Variants in COL4A1 observed in about 807,000 individuals in gnomAD.
COL4A1 encodes the protein collagen type IV alpha 1 chain, also known as collagen alpha-1(IV) chain.
COL4A1 carries 40 observed loss-of-function variants against 216.6 expected under a neutral mutation model. The observed-to-expected ratio is 0.18, with a 90% CI of 0.14 to 0.24. The LOEUF is 0.24. COL4A1 is among the 10% of genes least tolerant of loss of function. The pLI is 1.00. For missense variants in COL4A1, 1,628 were observed against 2,196.8 expected (o/e 0.74, Z 5.18); for synonymous variants, 839 against 810.7 (o/e 1.03, Z -0.59).
intron 1 of COL4A1, among the ~76,000 whole-genome samples, chr13:110,249,580 T>G (rs1393803513): frequency 1.3e-5 from 2 of 152,138 alleles, no homozygotes; most frequent in African/African-American, 4.8e-5. Context: ...GGATCCTGGT[T>G]ACTCGTGAGG....
intron 2 of COL4A1, among the ~76,000 whole-genome samples, chr13:110,222,031 A>G (rs1328861901): frequency 6.6e-6 from 1 of 152,132 alleles, no homozygotes; most frequent in Non-Finnish European, 1.5e-5. Context: ...TCAACAACAC[A>G]TTCAAATGCC....
At chr13:110,305,247 C>A (rs1012283694) in intron 1 of COL4A1, among the ~76,000 whole-genome samples, 11 of 152,190 alleles carry the variant, frequency 7.2e-5, no homozygotes, top group African/African-American at 2.7e-4. Context: ...AGGGACACTG[C>A]AAAGACAGTG....
chr13:110,291,089 A>T (rs922179242), intron 1 of COL4A1, among the ~76,000 whole-genome samples: 1 of 152,168 alleles, frequency 6.6e-6, no homozygotes, highest in African/African-American at 2.4e-5. Flanking sequence ...TCCTCAGGAC[A>T]CTTGCAGCTC....
intron 3 of COL4A1, 44 bp downstream of exon 3, chr13:110,213,882 G>A (rs1879941114): frequency 6.2e-7 from 1 of 1,611,432 alleles, no homozygotes; most frequent in Non-Finnish European, 8.5e-7. Flanking sequence ...AAGAATGCGG[G>A]CAATCTTACA....
chr13:110,196,844 AGTCCT>A (rs1878915804), intron 21 of COL4A1, among the ~76,000 whole-genome samples: 10 of 152,246 alleles, frequency 6.6e-5, no homozygotes, highest in Admixed American at 6.5e-4. Context: ...TCTATCGATA[AGTCCT>A]GAGGTAGCAA....
intron 24 of COL4A1, among the ~76,000 whole-genome samples, chr13:110,190,133 C>T (rs1400899620): frequency 6.6e-6 from 1 of 151,822 alleles, no homozygotes; most frequent in Admixed American, 6.6e-5. Context: ...ATGACCTTGC[C>T]TGCCATCATT....
intron 1 of COL4A1, among the ~76,000 whole-genome samples, chr13:110,244,025 G>A (rs1177510141): frequency 1.3e-5 from 2 of 152,170 alleles, no homozygotes; most frequent in African/African-American, 2.4e-5. Context: ...GGTATGAGAT[G>A]AATAATCGGG....
At chr13:110,287,980 G>T in intron 1 of COL4A1, among the ~76,000 whole-genome samples, 1 of 152,004 alleles carries the variant, frequency 6.6e-6, no homozygotes, top group Admixed American at 6.6e-5. Flanking sequence ...GAGTGGTCTG[G>T]GCGCGGTGGC....
intron 29 of COL4A1, 119 bp from the exon 30 acceptor site, chr13:110,179,540 C>T: frequency 2.1e-6 from 3 of 1,430,692 alleles, no homozygotes; most frequent in Non-Finnish European, 2.9e-6. Flanking sequence ...AGAATATTAT[C>T]TGCTCAACCC....
intron 2 of COL4A1, among the ~76,000 whole-genome samples, chr13:110,218,382 G>A (rs533454316): frequency 2.9e-4 from 44 of 152,234 alleles, no homozygotes; most frequent in East Asian, 7.7e-4. Context: ...TACGGGTACC[G>A]GGTTTGGTAC....
At position 110,152,318 on chromosome 13, in the gene COL4A1, C is replaced by T; in HGVS notation, c.4928+16G>A. The T allele has an allele frequency of 6.2e-7, 1 of 1,613,958 alleles. No homozygotes were observed. Among genetic ancestry groups the T allele is most frequent in the South Asian group, 1.1e-5 (1 of 91,044 alleles). On this transcript the variant is annotated intron_variant, in intron 51 of 51. Coordinates refer to ENST00000375820, the MANE Select transcript of COL4A1 (RefSeq NM_001845.6). ...AAGGGGCCAGCAGCCTGCAAAAAAG[C>T]AGTGCTCCCACTTACTTGAACATCT...
rs1879582238 is a variant in COL4A1 at position 110,207,759 on chromosome 13, ACAC to A, written c.694-273_694-271del. 6.6e-6 allele frequency among the ~76,000 whole-genome samples: 1 copy of A among 152,102 alleles called. No homozygotes were observed. The highest frequency in any genetic ancestry group is 2.4e-5 in the African/African-American group (1 of 41,430). On this transcript the variant is annotated intron_variant, in intron 12 of 51. Transcript: ENST00000375820. This position sits in a 1 kb window ranked among gnomAD's most constrained non-coding sequence, Gnocchi z 4.4. ...ACCATGGAATCTGAACACCTGCAAGACACCTCCGGACTTGCGTGCCCCTGTATA... is the reference window on the plus strand; with the variant it reads ...ACCATGGAATCTGAACACCTGCAAGACTCCGGACTTGCGTGCCCCTGTATA...
At chr13:110,165,111 C>A in intron 45 of COL4A1, 121 bp from the exon 46 acceptor site, 1 of 1,427,606 alleles carries the variant, frequency 7.0e-7, no homozygotes. Flanking sequence ...AAGGTAAAGT[C>A]ATTATCAAAA....
At chr13:110,150,655 C>T (rs577640361) in intron 51 of COL4A1, among the ~76,000 whole-genome samples, 1 of 152,362 alleles carries the variant, frequency 6.6e-6, no homozygotes, top group African/African-American at 2.4e-5. Flanking sequence ...CAGCTGCACA[C>T]CCAGGCCCTG....
intron 21 of COL4A1, among the ~76,000 whole-genome samples, chr13:110,198,076 GGGGT>G (rs1328501144): frequency 0.014 from 1,026 of 72,356 alleles, 11 homozygotes; most frequent in African/African-American, 0.031. Flanking sequence ...CCTTGTTTCT[GGGGT>G]GTGTGTGTGT....
intron 2 of COL4A1, among the ~76,000 whole-genome samples, chr13:110,220,110 G>C (rs1341721156): frequency 1.3e-5 from 2 of 151,828 alleles, no homozygotes; most frequent in African/African-American, 4.8e-5. Context: ...GCTAATTTTT[G>C]TATTTTTAGT....
chr13:110,188,889 A>C (rs1878511340), intron 24 of COL4A1, among the ~76,000 whole-genome samples: 1 of 152,190 alleles, frequency 6.6e-6, no homozygotes, highest in African/African-American at 2.4e-5. Flanking sequence ...ACCACGATGC[A>C]CTGACTCCTG....
chr13:110,242,220 C>T (rs930626159), intron 2 of COL4A1, among the ~76,000 whole-genome samples: 16 of 152,066 alleles, frequency 1.1e-4, no homozygotes, highest in Non-Finnish European at 2.1e-4. Flanking sequence ...CACTAAGTTT[C>T]CCAAGCAATA....
At chr13:110,261,439 C>T (rs1030621141) in intron 1 of COL4A1, among the ~76,000 whole-genome samples, 1 of 152,258 alleles carries the variant, frequency 6.6e-6, no homozygotes, top group African/African-American at 2.4e-5. Context: ...TGAAGTGCTA[C>T]CGCTGTTTAG....
Sources: allele counts gnomAD v4.1 joint callset (sites outside exome capture counted in the v4.1 genomes callset), GRCh38; gene constraint gnomAD v4.1.1; non-coding constraint Gnocchi (gnomAD v3.1); transcripts MANE v1.5; gene names NCBI Gene and HGNC (gene_info 2026-07-23, HGNC 2026-07-21).